The following CIITA variants were observed in gnomAD, a reference collection of about 807,000 sequenced individuals.
CIITA encodes class II major histocompatibility complex transactivator.
Under a neutral mutation model 115.1 loss-of-function variants are expected in CIITA, and 72 were observed. The observed-to-expected ratio is 0.63, with a 90% confidence interval of 0.52 to 0.76. The LOEUF (loss-of-function observed/expected upper bound fraction) is 0.76. Ranked by LOEUF, CIITA falls within the 30% of genes least tolerant of loss-of-function variation. CIITA has a pLI of 0.00. For missense variants in CIITA, 1,617 were observed against 1,463.8 expected (o/e 1.10, Z -1.71); for synonymous variants, 763 against 635.6 (o/e 1.20, Z -3.02).
intron 13 of CIITA, chr16:10,913,382 T>G (rs1378322092): frequency 1.3e-5 from 2 of 158,308 alleles, no homozygotes; most frequent in Non-Finnish European, 2.8e-5. Flanking sequence ...TGGCACAATC[T>G]CGACTCACTG....
Position 10,907,300 on chromosome 16 carries a change from T to C in CIITA, c.1808T>C (p.Leu603Pro). 6.2e-7 allele frequency: 1 copy of C among 1,613,604 alleles called. No homozygotes were observed. Among genetic ancestry groups the C allele is most frequent in the Non-Finnish European group, 8.5e-7 (1 of 1,180,006 alleles). Residue 603 changes from leucine to proline, a missense_variant, in exon 11 of 20, where the codon CTT becomes CCT. Coordinates refer to ENST00000324288, the MANE Select transcript of CIITA (RefSeq NM_000246.4). The surrounding 1 kb of genome is among the most constrained non-coding windows in gnomAD (Gnocchi z 5.0). ...RALTLLRDRP[L>P]LLSHSHSPTL... ...CTGACGCTCCTCCGGGACCGGCCAC[T>C]TCTTCTCAGTCACAGCCACAGCCCT...
In CIITA at chr16:10,923,657, G is replaced by T. The variant is rs1054130440; in HGVS notation, c.*23-221G>T. ...GTTTCGGCTTGGTGGCTGCCCTGAT[G>T]CTCCGGGTTTGTCTCAGATGAACTT... On this transcript the variant is annotated intron_variant, in intron 19 of 19. Coordinates refer to ENST00000324288, the MANE Select transcript of CIITA (RefSeq NM_000246.4). This position sits in a 1 kb window ranked among gnomAD's most constrained non-coding sequence, Gnocchi z 5.2. Among the ~76,000 whole-genome samples, 7 of 152,124 alleles carry T rather than the reference G, an allele frequency of 4.6e-5. No individual in the cohort carries two copies. Among genetic ancestry groups the T allele is most frequent in the African/African-American group, 1.2e-4 (5 of 41,410 alleles).
In CIITA at chr16:10,931,423, CTT is replaced by C. The variant is rs2040787916; in HGVS notation, c.*7569_*7570del. The C allele has an allele frequency of 6.6e-6, 1 of 151,998 alleles. No individual in the cohort carries two copies. The highest frequency in any genetic ancestry group is 1.5e-5 in the Non-Finnish European group (1 of 67,876). 9.4% of individuals were successfully genotyped at this position (151,998 alleles called of 1,614,324 possible). ...GCGCTAGTCTGGCTGTAGCTGCCCT[CTT>C]GTGTGCAGATCTCCAGTCTGAATGG... On this transcript the variant is annotated 3_prime_UTR_variant, in exon 20 of 20. Transcript: ENST00000324288.
intron 15 of CIITA, 163 bp downstream of exon 15, chr16:10,916,622 C>A: frequency 1.5e-6 from 1 of 682,056 alleles, no homozygotes; most frequent in South Asian, 1.6e-5. Flanking sequence ...AACTCCTGGC[C>A]TCAAGGAATC....
chr16:10,907,068 CG>C lies in CIITA; in HGVS notation c.1581del (p.Leu528CysfsTer30). On this transcript the variant is annotated frameshift_variant, in exon 11 of 20. Transcript: ENST00000324288. LOFTEE classifies it high-confidence loss of function. The surrounding 1 kb of genome is among the most constrained non-coding windows in gnomAD (Gnocchi z 5.0). ...GGCACCGGCGGAGCCCTGCTCCCTC[CG>C]GGGGCTGCTGGCCGGCCTTTTCCAG... ...GPAPAEPCSL[R>X]GLLAGLFQKK... The C allele has an allele frequency of 6.2e-7, 1 of 1,607,428 alleles. No homozygotes were observed.
rs1454261893 is a variant in CIITA, at chr16:10,906,826, A to G, written c.1334A>G (p.Tyr445Cys). ...TGGGCTTGTGGCCGGCTTCCCCAGT[A>G]CGACTTTGTCTTCTCTGTCCCCTGC... ...RAWACGRLPQ[Y>C]DFVFSVPCHC... The change falls in exon 11 of 20, where the codon TAC becomes TGC. Residue 445 changes from tyrosine to cysteine, a missense_variant. Coordinates refer to ENST00000324288, the MANE Select transcript of CIITA (RefSeq NM_000246.4). The G allele has an allele frequency of 6.2e-7, 1 of 1,612,884 alleles. No homozygotes were observed. The highest frequency in any genetic ancestry group is 8.5e-7 in the Non-Finnish European group (1 of 1,180,024).
chr16:10,942,608 A>G lies in CIITA; in HGVS notation n.1734A>G, dbSNP rs553325087. 5 of 152,452 alleles carry G rather than the reference A, an allele frequency of 3.3e-5. No individual in the cohort carries two copies. Among genetic ancestry groups the G allele is most frequent in the East Asian group, 1.9e-4 (1 of 5,176 alleles). 9.4% of individuals were successfully genotyped at this position (152,452 alleles called of 1,614,324 possible). On this transcript the variant is annotated non_coding_transcript_exon_variant, in exon 2 of 2. Coordinates refer to the CIITA transcript ENST00000573379. The surrounding 1 kb of genome is among the most constrained non-coding windows in gnomAD (Gnocchi z 5.0). ...GCTTCGCTCCGCCCCTCGGGGCCCTAGCGTCTGAGTTGCTTTCCTGGTTCG... is the reference window on the plus strand; with the variant it reads ...GCTTCGCTCCGCCCCTCGGGGCCCTGGCGTCTGAGTTGCTTTCCTGGTTCG...
chr16:10,936,943 A>G (rs904623672), downstream of CIITA: 3 of 152,378 alleles, frequency 2.0e-5, no homozygotes, highest in South Asian at 4.1e-4. Flanking sequence ...AAATATGAAT[A>G]TCCAAATTGA....
chr16:10,908,927 A>G, intron 11 of CIITA, 102 bp from the exon 12 acceptor site: 2 of 1,554,616 alleles, frequency 1.3e-6, no homozygotes, highest in Non-Finnish European at 1.8e-6. Flanking sequence ...TGAGCTAAGG[A>G]AAGAAAGTAT....
At chr16:10,868,493 C>T (rs1189528171) in intron 1 of CIITA, among the ~76,000 whole-genome samples, 2 of 152,208 alleles carry the variant, frequency 1.3e-5, no homozygotes, top group Non-Finnish European at 2.9e-5. Context: ...TTTCCATCGT[C>T]TATTGGACTC....
chr16:10,893,901 A>AT (rs1318980467), intron 1 of CIITA, among the ~76,000 whole-genome samples: 2 of 148,850 alleles, frequency 1.3e-5, no homozygotes, highest in East Asian at 4.0e-4. Context: ...CCCACAGTCA[A>AT]TTTTAGCACA....
Position 10,910,242 on chromosome 16 carries a change from A to G in CIITA, c.2871A>G (p.Leu957=), listed in dbSNP as rs2144802007. The G allele has an allele frequency of 6.2e-7, 1 of 1,614,040 alleles. No homozygotes were observed. The highest frequency in any genetic ancestry group is 8.5e-7 in the Non-Finnish European group (1 of 1,179,954). ...GGGAGCTCCCTGCTGTTCGGGACCT[A>G]AAGAAACTGGAGTTTGCGTAAGCAA... ...TAGELPAVRD[L]KKLEFALGPV... The change falls in exon 13 of 20, where the codon CTA becomes CTG. Residue 957 remains leucine, a synonymous_variant. Coordinates refer to ENST00000324288, the MANE Select transcript of CIITA (RefSeq NM_000246.4).
upstream of CIITA, among the ~76,000 whole-genome samples, chr16:10,876,183 AC>A (rs1567353543): frequency 6.6e-6 from 1 of 151,490 alleles, no homozygotes; most frequent in African/African-American, 2.4e-5. Flanking sequence ...AACAAAAAAA[AC>A]CCCAACAATT....
chr16:10,905,891 G>T (rs1248829886), intron 10 of CIITA, among the ~76,000 whole-genome samples: 1 of 151,880 alleles, frequency 6.6e-6, no homozygotes, highest in Non-Finnish European at 1.5e-5. Context: ...AGCAAATGAT[G>T]AAGACTGTAT....
At chr16:10,910,959 C>A (rs566199481) in intron 13 of CIITA, among the ~76,000 whole-genome samples, 3 of 127,494 alleles carry the variant, frequency 2.4e-5, no homozygotes, top group African/African-American at 8.4e-5. Context: ...GAAAGTCTTG[C>A]ATCCCAAGAA....
rs892973622 is a variant in CIITA at position 10,923,518 on chromosome 16, T to G, written c.*22+193T>G. On this transcript the variant is annotated intron_variant, in intron 19 of 19. Transcript: ENST00000324288. The surrounding 1 kb of genome is among the most constrained non-coding windows in gnomAD (Gnocchi z 5.2). ...AGCTGTCCTCCAGGCTTTGCGAGCT[T>G]GGTCCCTGTGGTCAGGCTTAGAGAT... 3.9e-5 allele frequency among the ~76,000 whole-genome samples: 6 copies of G among 152,078 alleles called. No individual in the cohort carries two copies. Among genetic ancestry groups the G allele is most frequent in the Non-Finnish European group, 2.9e-5 (2 of 68,006 alleles).
chr16:10,907,078 T>C lies in CIITA; in HGVS notation c.1586T>C (p.Leu529Pro). 1 of 1,607,806 alleles carries C rather than the reference T, an allele frequency of 6.2e-7. No individual in the cohort carries two copies. The highest frequency in any genetic ancestry group is 8.5e-7 in the Non-Finnish European group (1 of 1,179,790). ...GAGCCCTGCTCCCTCCGGGGGCTGC[T>C]GGCCGGCCTTTTCCAGAAGAAGCTG... ...PAEPCSLRGLLAGLFQKKLLR... is the reference protein window; with the variant it reads ...PAEPCSLRGLPAGLFQKKLLR... Residue 529 changes from leucine (L) to proline (P), a missense_variant, in exon 11 of 20, where the codon CTG becomes CCG. Physicochemically the swap from Leu to Pro is moderately conservative, Grantham distance 98. Coordinates refer to ENST00000324288, the MANE Select transcript of CIITA (RefSeq NM_000246.4). This position sits in a 1 kb window ranked among gnomAD's most constrained non-coding sequence, Gnocchi z 5.0.
intron 5 of CIITA, among the ~76,000 whole-genome samples, chr16:10,900,330 A>C (rs1459848869): frequency 6.6e-6 from 1 of 152,094 alleles, no homozygotes; most frequent in East Asian, 1.9e-4. Flanking sequence ...GTCACGTTCC[A>C]TATTATTGAG....
intron 16 of CIITA, among the ~76,000 whole-genome samples, chr16:10,919,304 C>T (rs890805659): frequency 6.6e-6 from 1 of 152,092 alleles, no homozygotes; most frequent in Non-Finnish European, 1.5e-5. Flanking sequence ...TCAAGCTATT[C>T]GCCTGCCTCA....
Sources: gnomAD v4.1 joint callset for allele counts (sites outside exome capture counted in the v4.1 genomes callset) on GRCh38, gnomAD v4.1.1 for gene constraint, Gnocchi (gnomAD v3.1) non-coding constraint, MANE v1.5 for transcripts, NCBI Gene and HGNC (gene_info 2026-07-23, HGNC 2026-07-21) for gene names.